Variants in SENP7 observed in about 807,000 individuals in gnomAD.
SENP7 encodes SUMO specific peptidase 7.
Under a neutral mutation model 141.2 loss-of-function variants are expected in SENP7, and 64 were observed. That is an observed-to-expected ratio of 0.45 (90% confidence interval 0.37 to 0.56). SENP7 has a LOEUF of 0.56. Ranked by LOEUF, SENP7 falls within the 20% of genes least tolerant of loss-of-function variation. The probability of loss-of-function intolerance (pLI) is 0.00; values close to 1 mark genes in which losing one functional copy is unlikely to be tolerated. For missense variants in SENP7, 1,025 were observed against 1,212.2 expected (o/e 0.85, Z 2.29); for synonymous variants, 382 against 426.4 (o/e 0.90, Z 1.28).
At chr3:101,407,486 T>C (rs886118796) in intron 5 of SENP7, among the ~76,000 whole-genome samples, 1 of 152,122 alleles carries the variant, frequency 6.6e-6, no homozygotes, top group African/African-American at 2.4e-5. Context: ...GAATATATGT[T>C]CTATTCAACA....
chr3:101,355,840 G>T lies in SENP7; in HGVS notation c.1624-4189C>A, dbSNP rs138419863. ...AATTCTATTGATTCTTCCTATCCAT[G>T]AACATGGAATGTTTTTCCATTTGTT... On this transcript the variant is annotated intron_variant, in intron 11 of 23. Transcript: ENST00000394095. Among the ~76,000 whole-genome samples the T allele has an allele frequency of 6.1e-3, 923 of 152,252 alleles. 6 individuals carry two copies. Among genetic ancestry groups the T allele is most frequent in the African/African-American group, 0.021 (889 of 41,546 alleles).
intron 6 of SENP7, among the ~76,000 whole-genome samples, chr3:101,373,782 G>GT (rs2060243962): frequency 6.6e-6 from 1 of 152,112 alleles, no homozygotes; most frequent in Non-Finnish European, 1.5e-5. Context: ...CCAAATAACA[G>GT]TTTTTTGCAG....
chr3:101,371,015 C>T (rs571005313), intron 7 of SENP7, among the ~76,000 whole-genome samples: 73 of 152,260 alleles, frequency 4.8e-4, no homozygotes, highest in South Asian at 3.9e-3. Flanking sequence ...AGTGGCCAAG[C>T]GCGGTGGCTC....
chr3:101,406,619 A>G (rs2061315326), intron 5 of SENP7, among the ~76,000 whole-genome samples: 1 of 152,120 alleles, frequency 6.6e-6, no homozygotes, highest in Non-Finnish European at 1.5e-5. Context: ...GAGGAAAAAG[A>G]GAAATCTAAA....
chr3:101,341,817 A>C (rs751398774), intron 14 of SENP7, 38 bp from the exon 15 acceptor site: 5 of 1,531,460 alleles, frequency 3.3e-6, no homozygotes, highest in Non-Finnish European at 1.8e-6. Flanking sequence ...CTCAAACATC[A>C]TAACTTTCAA....
chr3:101,457,816 C>A (rs943607345), intron 4 of SENP7: 1 of 584,768 alleles, frequency 1.7e-6, no homozygotes, highest in Non-Finnish European at 3.1e-6. Context: ...TAGGCGCACA[C>A]ATGCGGAGAT....
chr3:101,486,731 A>G (rs893728381), intron 3 of SENP7, among the ~76,000 whole-genome samples: 2 of 152,194 alleles, frequency 1.3e-5, no homozygotes, highest in African/African-American at 4.8e-5. Flanking sequence ...CAAGTACACC[A>G]GCAACAAAAG....
chr3:101,340,298 G>A (rs1403548563), intron 15 of SENP7, 87 bp from the exon 16 acceptor site: 5 of 1,425,574 alleles, frequency 3.5e-6, no homozygotes, highest in Non-Finnish European at 4.7e-6. Flanking sequence ...TAACTGGGCA[G>A]TGGTATTCTG....
chr3:101,466,344 G>A lies in SENP7; in HGVS notation c.187-7292C>T, dbSNP rs138069332. Reference sequence around the variant, plus strand: ...CATAGTCAAACTGTGAAAAGTCAAAGACACAATTCTAAAAATAGCAAGAAA... The same window carrying A: ...CATAGTCAAACTGTGAAAAGTCAAAAACACAATTCTAAAAATAGCAAGAAA... On this transcript the variant is annotated intron_variant, in intron 3 of 23. Coordinates refer to ENST00000394095, the MANE Select transcript of SENP7 (RefSeq NM_020654.5). 4.6e-5 allele frequency among the ~76,000 whole-genome samples: 7 copies of A among 152,134 alleles called. No individual in the cohort carries two copies. In the East Asian group the frequency reaches 1.4e-3, roughly 29 times the overall value.
chr3:101,496,165 G>A (rs2065151756), intron 2 of SENP7, among the ~76,000 whole-genome samples: 1 of 152,138 alleles, frequency 6.6e-6, no homozygotes, highest in African/African-American at 2.4e-5. Context: ...TTGTGTCTGG[G>A]TGGCCTTAAT....
chr3:101,502,491 G>A (rs1296511521), intron 1 of SENP7, among the ~76,000 whole-genome samples: 6 of 152,200 alleles, frequency 3.9e-5, no homozygotes, highest in East Asian at 1.9e-4. Flanking sequence ...TAGTAGAGGC[G>A]GGGTTTCTCC....
intron 1 of SENP7, among the ~76,000 whole-genome samples, chr3:101,512,887 C>T (rs11708616): frequency 0.22 from 32,716 of 151,856 alleles, 3,748 homozygotes; most frequent in Non-Finnish European, 0.24. Flanking sequence ...GAAGAGCGCC[C>T]GAGGCTTCGA....
chr3:101,326,076 G>C lies in SENP7; in HGVS notation c.3020C>G (p.Pro1007Arg). 1 of 1,588,294 alleles carries C rather than the reference G, an allele frequency of 6.3e-7. No individual in the cohort carries two copies. Among genetic ancestry groups the C allele is most frequent in the Non-Finnish European group, 8.6e-7 (1 of 1,168,506 alleles). The change falls in exon 24 of 24, where the codon CCT becomes CGT. Residue 1007 changes from proline to arginine, a missense_variant. Transcript: ENST00000394095. ...AATTGGAAGTTCAAAGTTAACAATA[G>C]GATCCTAATGAGAGGAAAAAAAGAG... Reference protein sequence around the residue: ...LQYVESFFKDPIVNFELPIHL... With the variant: ...LQYVESFFKDRIVNFELPIHL...
At chr3:101,452,872 A>C (rs1040126667) in intron 4 of SENP7, among the ~76,000 whole-genome samples, 24 of 152,344 alleles carry the variant, frequency 1.6e-4, no homozygotes, top group African/African-American at 5.5e-4. Context: ...AATGGGATCT[A>C]CTTAAACTAA....
chr3:101,379,054 G>C (rs1035178677), intron 6 of SENP7, among the ~76,000 whole-genome samples: 5 of 152,068 alleles, frequency 3.3e-5, no homozygotes, highest in Non-Finnish European at 7.4e-5. Flanking sequence ...CAACAGAACA[G>C]AATAGAGATC....
intron 3 of SENP7, among the ~76,000 whole-genome samples, chr3:101,472,155 T>C (rs1314943363): frequency 1.3e-5 from 2 of 152,240 alleles, no homozygotes; most frequent in Non-Finnish European, 2.9e-5. Flanking sequence ...TTACTGGGTA[T>C]ACACCCAAAG....
intron 10 of SENP7, 152 bp from the exon 11 acceptor site, chr3:101,362,013 GA>G (rs2059915417): frequency 3.5e-6 from 3 of 864,030 alleles, no homozygotes; most frequent in Middle Eastern, 3.8e-4. Flanking sequence ...TAGCTATCTA[GA>G]TTTTTTTTCT....
intron 1 of SENP7, among the ~76,000 whole-genome samples, chr3:101,502,490 C>T (rs1044278555): frequency 4.3e-4 from 66 of 151,964 alleles, no homozygotes; most frequent in African/African-American, 1.5e-3. Flanking sequence ...TTAGTAGAGG[C>T]GGGGTTTCTC....
intron 20 of SENP7, among the ~76,000 whole-genome samples, chr3:101,329,676 G>A (rs1175814918): frequency 1.3e-5 from 2 of 150,218 alleles, no homozygotes; most frequent in African/African-American, 2.5e-5. Context: ...GGTGGCTCAC[G>A]CCTCTAATCT....
Sources: allele counts gnomAD v4.1 joint callset (sites outside exome capture counted in the v4.1 genomes callset), GRCh38; gene constraint gnomAD v4.1.1; transcripts MANE v1.5; gene names NCBI Gene and HGNC (gene_info 2026-07-23, HGNC 2026-07-21).